The following LY86 variants were observed in gnomAD, a reference collection of about 807,000 sequenced individuals.
LY86 encodes lymphocyte antigen 86.
LY86 carries 20 observed loss-of-function variants against 17.3 expected under a neutral mutation model. That is an observed-to-expected ratio of 1.15 (90% confidence interval 0.81 to 1.68). The LOEUF (loss-of-function observed/expected upper bound fraction) is 1.68. Ranked by LOEUF, LY86 falls within the 40% of genes most tolerant of loss-of-function variation. The probability of loss-of-function intolerance (pLI) is 0.00; values close to 1 mark genes in which losing one functional copy is unlikely to be tolerated. For synonymous variants in LY86, 74 were observed against 70.6 expected (o/e 1.05, Z -0.24); for missense variants, 200 against 191.9 (o/e 1.04, Z -0.25).
rs78333536 is a variant in LY86, at chr6:6,593,218, T to C, written c.136+4348T>C. On this transcript the variant is annotated intron_variant, in intron 1 of 4. Transcript: ENST00000230568. The stretch of plus-strand genomic sequence containing the variant: ...CCTTTCTTTTCTTTTCCAGCTTGTA[T>C]AGGTGCATTCCTTGGCCTGAGGCTT... 3.5e-3 allele frequency among the ~76,000 whole-genome samples: 527 copies of C among 152,384 alleles called. 4 individuals carry two copies. The highest frequency in any genetic ancestry group is 0.011 in the African/African-American group (450 of 41,586).
Position 6,603,624 on chromosome 6 carries a change from A to C in LY86, c.136+14754A>C, listed in dbSNP as rs1308551251. 1.3e-3 allele frequency among the ~76,000 whole-genome samples: 177 copies of C among 135,900 alleles called. 3 individuals are homozygous for C. The highest frequency in any genetic ancestry group is 3.4e-3 in the African/African-American group (125 of 36,928). The allele number at this position is 135,900 out of a possible 152,430, so 89.2% of individuals were successfully genotyped here. A position where few individuals can be genotyped will look rare whatever the true frequency, so the allele number is the denominator to read the frequency against. ...GAAACAGAAAAAAAAACAAACAAAAAAAAACAAAACACACACACACACACA... is the reference window on the plus strand; with the variant it reads ...GAAACAGAAAAAAAAACAAACAAAACAAAACAAAACACACACACACACACA... On this transcript the variant is annotated intron_variant, in intron 1 of 4. Transcript: ENST00000230568.
chr6:6,652,076 A>AAGG (rs1554127019), intron 4 of LY86, among the ~76,000 whole-genome samples: 19 of 150,108 alleles, frequency 1.3e-4, no homozygotes, highest in African/African-American at 4.5e-4. Flanking sequence ...AAAAAAAAAA[A>AAGG]AAAAAGGAAA....
At chr6:6,603,558 C>A (rs1358272733) in intron 1 of LY86, among the ~76,000 whole-genome samples, 6 of 146,044 alleles carry the variant, frequency 4.1e-5, no homozygotes, top group Admixed American at 2.1e-4. Flanking sequence ...ATGATGAGGT[C>A]TCCAGAAGCC....
intron 1 of LY86, among the ~76,000 whole-genome samples, chr6:6,608,818 G>A (rs1466977544): frequency 2.6e-5 from 4 of 152,366 alleles, no homozygotes; most frequent in African/African-American, 7.2e-5. Context: ...CTTGTGTGCA[G>A]GTCTGCGGGG....
intron 3 of LY86, among the ~76,000 whole-genome samples, chr6:6,636,701 T>C (rs927580968): frequency 1.3e-5 from 2 of 152,142 alleles, no homozygotes; most frequent in African/African-American, 4.8e-5. Context: ...CTCATGGAAT[T>C]GGAAATTTGA....
intron 1 of LY86, among the ~76,000 whole-genome samples, chr6:6,611,029 T>C (rs1308342315): frequency 1.3e-5 from 2 of 152,242 alleles, no homozygotes; most frequent in African/African-American, 4.8e-5. Context: ...GTTTTTCCAC[T>C]GTCCTTCCAG....
chr6:6,601,720 GA>G (rs562610253), intron 1 of LY86, among the ~76,000 whole-genome samples: 1 of 142,722 alleles, frequency 7.0e-6, no homozygotes, highest in Admixed American at 6.9e-5. Flanking sequence ...ACACTGTCTC[GA>G]AAAAAAAAGA....
At chr6:6,633,365 T>A (rs1466330279) in intron 3 of LY86, among the ~76,000 whole-genome samples, 2 of 152,150 alleles carry the variant, frequency 1.3e-5, no homozygotes, top group Non-Finnish European at 2.9e-5. Flanking sequence ...GAACACATGA[T>A]TTTCTTTCTT....
At chr6:6,594,385 TTC>T (rs1204717141) in intron 1 of LY86, among the ~76,000 whole-genome samples, 5 of 152,182 alleles carry the variant, frequency 3.3e-5, no homozygotes, top group African/African-American at 9.7e-5. Context: ...AAATTCAAAT[TTC>T]TGTGTCCATA....
At chr6:6,592,494 G>A (rs933061264) in intron 1 of LY86, among the ~76,000 whole-genome samples, 2 of 152,206 alleles carry the variant, frequency 1.3e-5, no homozygotes, top group African/African-American at 4.8e-5. Context: ...TGATTGGAAG[G>A]GGAAATAAGC....
intron 3 of LY86, among the ~76,000 whole-genome samples, chr6:6,632,423 G>A (rs1307043536): frequency 2.6e-5 from 4 of 152,200 alleles, no homozygotes; most frequent in African/African-American, 7.2e-5. Context: ...TATGTGATGT[G>A]TCTGACGCGT....
intron 1 of LY86, among the ~76,000 whole-genome samples, chr6:6,605,538 T>C (rs977860790): frequency 6.6e-6 from 1 of 152,214 alleles, no homozygotes; most frequent in Non-Finnish European, 1.5e-5. Context: ...CGCTACCCCA[T>C]AACATGGCAA....
At chr6:6,644,650 C>CA (rs113727027) in intron 3 of LY86, among the ~76,000 whole-genome samples, 11,901 of 145,786 alleles carry the variant, frequency 0.082, 765 homozygotes, top group African/African-American at 0.19. Context: ...AGATCTGGGT[C>CA]AAAAAAAAAA....
chr6:6,588,731 C>T lies in LY86; in HGVS notation c.-4C>T, dbSNP rs141209631. ...TTTCTGTGTGTCCCATACAGGCCCC[C>T]ACCATGAAGGGTTTCACAGCCACTC... On this transcript the variant is annotated 5_prime_UTR_variant, in exon 1 of 5. Transcript: ENST00000230568. The T allele has an allele frequency of 2.6e-5, 42 of 1,613,992 alleles. 2 individuals carry two copies. In the African/African-American group the frequency reaches 3.7e-4, roughly 14 times the overall value.
chr6:6,637,002 T>TG (rs1159132667), intron 3 of LY86, among the ~76,000 whole-genome samples: 3 of 125,648 alleles, frequency 2.4e-5, no homozygotes, highest in Non-Finnish European at 4.9e-5. Flanking sequence ...GGAAGCATAT[T>TG]GGTTTTTTTT....
At chr6:6,610,207 T>A (rs1761296864) in intron 1 of LY86, among the ~76,000 whole-genome samples, 1 of 152,220 alleles carries the variant, frequency 6.6e-6, no homozygotes, top group South Asian at 2.1e-4. Flanking sequence ...CCAGTGTCAA[T>A]GACTAGGTTT....
At chr6:6,643,750 G>A (rs987689125) in intron 3 of LY86, among the ~76,000 whole-genome samples, 2 of 152,218 alleles carry the variant, frequency 1.3e-5, no homozygotes, top group African/African-American at 2.4e-5. Context: ...GAACACACAC[G>A]TGCAGGCACA....
At chr6:6,634,311 T>C (rs1186015992) in intron 3 of LY86, among the ~76,000 whole-genome samples, 1 of 152,250 alleles carries the variant, frequency 6.6e-6, no homozygotes, top group East Asian at 1.9e-4. Flanking sequence ...ATCCTCTAGT[T>C]GAGAAAATAA....
rs149880611 is a variant in LY86, at chr6:6,621,789, T to C, written c.137-3137T>C. ...CAGCAAACAATCACTGGAGATTTAG[T>C]ATGATATTAAGACATTATGTATAGC... On this transcript the variant is annotated intron_variant, in intron 1 of 4. Coordinates refer to ENST00000230568, the MANE Select transcript of LY86 (RefSeq NM_004271.4). Among the ~76,000 whole-genome samples the C allele has an allele frequency of 2.8e-4, 43 of 152,344 alleles. No individual in the cohort carries two copies. In the East Asian group the frequency reaches 8.1e-3, roughly 29 times the overall value.
Sources: gnomAD v4.1 joint callset for allele counts (sites outside exome capture counted in the v4.1 genomes callset) on GRCh38, gnomAD v4.1.1 for gene constraint, MANE v1.5 for transcripts, NCBI Gene and HGNC (gene_info 2026-07-23, HGNC 2026-07-21) for gene names.